The following SLCO5A1 variants were observed in gnomAD, a reference collection of about 807,000 sequenced individuals.
The protein encoded by SLCO5A1 is solute carrier organic anion transporter family member 5A1.
Under a neutral mutation model 65.1 loss-of-function variants are expected in SLCO5A1, and 39 were observed. The ratio of observed to expected loss-of-function variants is 0.60; its 90% CI spans 0.46 to 0.78. SLCO5A1 has a LOEUF of 0.78. Ranked by LOEUF, SLCO5A1 falls within the 30% of genes least tolerant of loss-of-function variation. The probability of loss-of-function intolerance (pLI) is 0.00; values close to 1 mark genes in which losing one functional copy is unlikely to be tolerated. For synonymous variants in SLCO5A1, 438 were observed against 415.7 expected (o/e 1.05, Z -0.65); for missense variants, 1,029 against 1,069.4 (o/e 0.96, Z 0.53).
intron 6 of SLCO5A1, among the ~76,000 whole-genome samples, chr8:69,685,653 A>C (rs975335749): frequency 6.6e-6 from 1 of 152,130 alleles, no homozygotes; most frequent in Non-Finnish European, 1.5e-5. Context: ...AAAATCATGG[A>C]ATTACAGAGC....
chr8:69,674,419 T>A (rs79285017), intron 9 of SLCO5A1, among the ~76,000 whole-genome samples: 3,913 of 152,272 alleles, frequency 0.026, 151 homozygotes, highest in African/African-American at 0.088. Flanking sequence ...GTGATACGTT[T>A]TAAATAAGTT....
intron 2 of SLCO5A1, among the ~76,000 whole-genome samples, chr8:69,826,994 G>T (rs1820950734): frequency 2.0e-5 from 3 of 152,102 alleles, no homozygotes; most frequent in Admixed American, 2.0e-4. Flanking sequence ...CATGTCCTTT[G>T]TAGGGACATG....
chr8:69,791,438 G>C (rs567832552), intron 2 of SLCO5A1, among the ~76,000 whole-genome samples: 5 of 152,230 alleles, frequency 3.3e-5, no homozygotes, highest in Admixed American at 6.5e-5. Context: ...TTGAGGGAGG[G>C]ACACTATATT....
intron 2 of SLCO5A1, chr8:69,794,590 G>T: frequency 6.2e-6 from 2 of 321,466 alleles, no homozygotes. Flanking sequence ...TTAGATTACC[G>T]GTTTGGAAAT....
At chr8:69,747,457 C>A (rs1817084909) in intron 4 of SLCO5A1, among the ~76,000 whole-genome samples, 1 of 152,032 alleles carries the variant, frequency 6.6e-6, no homozygotes, top group Non-Finnish European at 1.5e-5. Context: ...CTGTATTGAA[C>A]ACATCAGACT....
At chr8:69,744,800 G>A (rs1030377370) in intron 4 of SLCO5A1, among the ~76,000 whole-genome samples, 5 of 152,298 alleles carry the variant, frequency 3.3e-5, no homozygotes, top group African/African-American at 1.2e-4. Context: ...TTTCCTCCTG[G>A]GGAGCAGGTT....
At chr8:69,718,915 G>C (rs959241397) in intron 5 of SLCO5A1, among the ~76,000 whole-genome samples, 2 of 152,162 alleles carry the variant, frequency 1.3e-5, no homozygotes, top group African/African-American at 4.8e-5. Flanking sequence ...GGAGTAGGGA[G>C]AGGAGTTCCA....
At chr8:69,727,066 A>C (rs1816115421) in intron 5 of SLCO5A1, among the ~76,000 whole-genome samples, 1 of 152,192 alleles carries the variant, frequency 6.6e-6, no homozygotes, top group Non-Finnish European at 1.5e-5. Context: ...GAGGTTAATG[A>C]GTTGGTCCAG....
At chr8:69,688,897 C>T (rs1368150679) in intron 6 of SLCO5A1, among the ~76,000 whole-genome samples, 3 of 152,128 alleles carry the variant, frequency 2.0e-5, no homozygotes, top group Admixed American at 2.0e-4. Flanking sequence ...GTTCTAGGTC[C>T]CTGAGGAATT....
intron 2 of SLCO5A1, among the ~76,000 whole-genome samples, chr8:69,765,600 C>A (rs143719238): frequency 3.1e-4 from 47 of 152,238 alleles, no homozygotes; most frequent in African/African-American, 1.1e-3. Flanking sequence ...CAAACCCGTA[C>A]CACTCAACTC....
chr8:69,742,645 C>T (rs930745884), intron 4 of SLCO5A1, among the ~76,000 whole-genome samples: 16 of 152,096 alleles, frequency 1.1e-4, no homozygotes, highest in Admixed American at 5.9e-4. Flanking sequence ...ACAGTATAGG[C>T]GGCCCCATCA....
intron 2 of SLCO5A1, among the ~76,000 whole-genome samples, chr8:69,811,590 T>C (rs1820207132): frequency 2.0e-5 from 3 of 151,786 alleles, no homozygotes; most frequent in African/African-American, 7.3e-5. Flanking sequence ...CAAGCAAGAG[T>C]CGTCAACATG....
chr8:69,797,288 C>A (rs969880604), intron 2 of SLCO5A1, among the ~76,000 whole-genome samples: 1 of 152,198 alleles, frequency 6.6e-6, no homozygotes, highest in Non-Finnish European at 1.5e-5. Context: ...ACTTTAAACT[C>A]TTAATCCCGT....
chr8:69,790,501 G>A (rs1819220904), intron 2 of SLCO5A1, among the ~76,000 whole-genome samples: 1 of 152,042 alleles, frequency 6.6e-6, no homozygotes, highest in African/African-American at 2.4e-5. Context: ...AGAGCCAGGT[G>A]TGGTGGCACA....
At chr8:69,780,713 G>A (rs962365312) in intron 2 of SLCO5A1, among the ~76,000 whole-genome samples, 2 of 152,120 alleles carry the variant, frequency 1.3e-5, no homozygotes, top group Non-Finnish European at 2.9e-5. Context: ...GTATTTGGGT[G>A]ATGGATACCC....
At chr8:69,732,952 T>A (rs911113960) in intron 5 of SLCO5A1, among the ~76,000 whole-genome samples, 2 of 152,162 alleles carry the variant, frequency 1.3e-5, no homozygotes, top group Non-Finnish European at 2.9e-5. Flanking sequence ...AGCATCCAGT[T>A]CTAACACTTA....
At chr8:69,793,501 C>A (rs1020681277) in intron 2 of SLCO5A1, among the ~76,000 whole-genome samples, 1 of 152,158 alleles carries the variant, frequency 6.6e-6, no homozygotes, top group South Asian at 2.1e-4. Flanking sequence ...TGGTGGCTCA[C>A]GCCTGTTATC....
At chr8:69,784,863 G>GAAAGAAAGAAAGAAAGAAAGAAAA (rs71275014) in intron 2 of SLCO5A1, among the ~76,000 whole-genome samples, 1 of 87,838 alleles carries the variant, frequency 1.1e-5, no homozygotes, top group African/African-American at 4.8e-5. Flanking sequence ...AAGAAAGAAA[G>GAAAGAAAGAAAGAAAGAAAGAAAA]GGAAGGAAGG....
At chr8:69,723,734 A>AGGATAGGT (rs993319321) in intron 5 of SLCO5A1, among the ~76,000 whole-genome samples, 5 of 151,566 alleles carry the variant, frequency 3.3e-5, no homozygotes, top group African/African-American at 4.8e-5. Flanking sequence ...CCCAAGAAAT[A>AGGATAGGT]GGATAGGTGC....
Sources: allele counts gnomAD v4.1 joint callset (sites outside exome capture counted in the v4.1 genomes callset), GRCh38; gene constraint gnomAD v4.1.1; transcripts MANE v1.5; gene names NCBI Gene and HGNC (gene_info 2026-07-23, HGNC 2026-07-21).